DNM3: variants seen among roughly 807,000 people sequenced by gnomAD.
The protein encoded by DNM3 is dynamin 3.
Under a neutral mutation model 101.6 loss-of-function variants are expected in DNM3, and 47 were observed. The ratio of observed to expected loss-of-function variants is 0.46; its 90% CI spans 0.37 to 0.59. The LOEUF is 0.59. Ranked by LOEUF, DNM3 falls within the 20% of genes least tolerant of loss-of-function variation. The pLI is 0.00. For synonymous variants in DNM3, 385 were observed against 387.9 expected (o/e 0.99, Z 0.09); for missense variants, 849 against 1,085.7 (o/e 0.78, Z 3.06).
intron 17 of DNM3, among the ~76,000 whole-genome samples, chr1:172,340,708 T>C (rs764122467): frequency 1.3e-5 from 2 of 152,252 alleles, no homozygotes; most frequent in Non-Finnish European, 2.9e-5. Context: ...TATGGTGTTT[T>C]CTAGATAGAC....
chr1:172,011,713 C>A (rs1342346991), intron 4 of DNM3, among the ~76,000 whole-genome samples: 1 of 151,996 alleles, frequency 6.6e-6, no homozygotes, highest in Non-Finnish European at 1.5e-5. Context: ...TGCTTAGAGC[C>A]TTTTCAGTCT....
intron 16 of DNM3, among the ~76,000 whole-genome samples, chr1:172,319,340 T>C (rs1245852221): frequency 6.6e-6 from 1 of 152,134 alleles, no homozygotes; most frequent in Non-Finnish European, 1.5e-5. Context: ...AAGGACTTCA[T>C]GTCTAAAACA....
At chr1:172,222,428 G>C (rs1327548641) in intron 14 of DNM3, among the ~76,000 whole-genome samples, 2 of 152,134 alleles carry the variant, frequency 1.3e-5, no homozygotes, top group African/African-American at 4.8e-5. Flanking sequence ...GAAAGGAAAG[G>C]GAATATACCA....
At chr1:171,851,479 T>A (rs1558163911) in intron 1 of DNM3, among the ~76,000 whole-genome samples, 2 of 152,224 alleles carry the variant, frequency 1.3e-5, no homozygotes, top group Admixed American at 1.3e-4. Flanking sequence ...AGTGGCATGA[T>A]CTCAGCTCAC....
rs1274484565 is a variant in DNM3, at chr1:172,412,443, T to C, written c.*4602T>C. ...GCTTGTCTATTTTTACTTTCCCTTT[T>C]TTGGGTCAAATTTTTCTTTTGCTTT... is the stretch of plus-strand genomic sequence containing the variant. On this transcript the variant is annotated 3_prime_UTR_variant, in exon 21 of 21. Coordinates refer to ENST00000627582, the MANE Select transcript of DNM3 (RefSeq NM_015569.5). The C allele has an allele frequency of 5.1e-6, 5 of 985,698 alleles. No homozygotes were observed. The highest frequency in any genetic ancestry group is 6.0e-6 in the Non-Finnish European group (5 of 829,922). The allele number at this position is 985,698 out of a possible 1,614,324, so 61.1% of individuals were successfully genotyped here. A position where few individuals can be genotyped will look rare whatever the true frequency, so the allele number is the denominator to read the frequency against.
chr1:171,927,014 T>C (rs1227818105), intron 2 of DNM3, among the ~76,000 whole-genome samples: 1 of 152,160 alleles, frequency 6.6e-6, no homozygotes, highest in Admixed American at 6.5e-5. Flanking sequence ...CTCTTGTCAC[T>C]CTTATTCAAC....
At chr1:172,305,136 CA>C in intron 15 of DNM3, among the ~76,000 whole-genome samples, 1 of 151,900 alleles carries the variant, frequency 6.6e-6, no homozygotes, top group Non-Finnish European at 1.5e-5. Context: ...AGACCACTAG[CA>C]AGACTAATAA....
intron 15 of DNM3, among the ~76,000 whole-genome samples, chr1:172,269,523 G>T (rs1459163296): frequency 1.3e-5 from 2 of 152,160 alleles, no homozygotes; most frequent in Non-Finnish European, 2.9e-5. Flanking sequence ...AGCTGTAAGA[G>T]AACTGATAGA....
intron 17 of DNM3, among the ~76,000 whole-genome samples, chr1:172,365,057 G>A (rs529089044): frequency 6.6e-6 from 1 of 151,952 alleles, no homozygotes; most frequent in East Asian, 1.9e-4. Context: ...AATACACACA[G>A]TATATGGACT....
At chr1:171,995,500 A>G (rs74123824) in intron 4 of DNM3, among the ~76,000 whole-genome samples, 6 of 152,138 alleles carry the variant, frequency 3.9e-5, no homozygotes, top group African/African-American at 1.2e-4. Context: ...GGCTTTAACA[A>G]TTTTTGCCAG....
At chr1:171,909,688 T>C (rs546056977) in intron 1 of DNM3, among the ~76,000 whole-genome samples, 2 of 152,328 alleles carry the variant, frequency 1.3e-5, no homozygotes, top group South Asian at 2.1e-4. Context: ...TTTTTGTATG[T>C]AGTTTGTGCT....
At chr1:172,265,114 T>C (rs1205483940) in intron 15 of DNM3, among the ~76,000 whole-genome samples, 1 of 152,202 alleles carries the variant, frequency 6.6e-6, no homozygotes. Context: ...CTTTTAGTCA[T>C]GGCTATTTGT....
At chr1:172,284,164 A>G (rs1241273595) in intron 15 of DNM3, among the ~76,000 whole-genome samples, 1 of 152,208 alleles carries the variant, frequency 6.6e-6, no homozygotes, top group African/African-American at 2.4e-5. Context: ...TGAAACAGCC[A>G]TCTGGTCAAA....
chr1:172,041,645 C>CT (rs2049398116), intron 7 of DNM3, among the ~76,000 whole-genome samples: 1 of 152,094 alleles, frequency 6.6e-6, no homozygotes, highest in South Asian at 2.1e-4. Context: ...ATTTGGGACA[C>CT]TAGGTGGTTG....
intron 14 of DNM3, among the ~76,000 whole-genome samples, chr1:172,166,922 C>CTTT (rs4028243): frequency 0.031 from 4,496 of 145,120 alleles, 220 homozygotes; most frequent in African/African-American, 0.11. Context: ...GCATTGCATT[C>CTTT]TTTTTTTTTT....
chr1:172,066,363 G>A (rs962022214), intron 10 of DNM3, among the ~76,000 whole-genome samples: 1 of 152,222 alleles, frequency 6.6e-6, no homozygotes, highest in South Asian at 2.1e-4. Context: ...GGAAGACCCA[G>A]TGTTGAGGGT....
At chr1:171,878,414 T>C (rs966316521) in intron 1 of DNM3, among the ~76,000 whole-genome samples, 33 of 151,790 alleles carry the variant, frequency 2.2e-4, no homozygotes, top group African/African-American at 8.0e-4. Flanking sequence ...AAACCTCAAA[T>C]CTGTTGAGAA....
chr1:171,896,822 C>G (rs1558230115), intron 1 of DNM3, among the ~76,000 whole-genome samples: 1 of 152,104 alleles, frequency 6.6e-6, no homozygotes, highest in Admixed American at 6.5e-5. Context: ...AGAGTAGATA[C>G]TAATTCGAAT....
At position 172,158,007 on chromosome 1, in the gene DNM3, G is replaced by A. The variant is rs148878765; in HGVS notation, c.1659+26719G>A. On this transcript the variant is annotated intron_variant, in intron 14 of 20. Transcript: ENST00000627582. ...AGTAAATTTAACAGACAAAAATCCT[G>A]CCTGCATGATAATAAAGTGCAAACA... Among the ~76,000 whole-genome samples, 408 of 152,132 alleles carry A rather than the reference G, an allele frequency of 2.7e-3. 6 individuals carry two copies. The highest frequency in any genetic ancestry group is 9.4e-3 in the African/African-American group (389 of 41,548).
Sources: allele counts gnomAD v4.1 joint callset (sites outside exome capture counted in the v4.1 genomes callset), GRCh38; gene constraint gnomAD v4.1.1; transcripts MANE v1.5; gene names NCBI Gene and HGNC (gene_info 2026-07-23, HGNC 2026-07-21).